Variants in MYLK observed in about 807,000 individuals in gnomAD.
MYLK encodes myosin light chain kinase.
In MYLK, 106 loss-of-function variants were observed where a neutral mutation model predicts 203.4. The observed-to-expected ratio is 0.52, with a 90% confidence interval of 0.45 to 0.61. MYLK has a LOEUF of 0.61. Among genes scored for constraint, MYLK ranks in the 20% least tolerant of loss-of-function variants. MYLK has a pLI of 0.00. For synonymous variants in MYLK, 867 were observed against 959.5 expected (o/e 0.90, Z 1.78); for missense variants, 2,072 against 2,442.3 (o/e 0.85, Z 3.20).
At chr3:123,638,460 A>G (rs907644329) in intron 28 of MYLK, among the ~76,000 whole-genome samples, 2 of 152,116 alleles carry the variant, frequency 1.3e-5, no homozygotes, top group South Asian at 4.1e-4. Flanking sequence ...CCGCCCCTGA[A>G]TGGTCTTTTT....
intron 4 of MYLK, among the ~76,000 whole-genome samples, chr3:123,770,957 TGGC>T (rs2063862591): frequency 2.0e-5 from 3 of 152,236 alleles, no homozygotes; most frequent in Non-Finnish European, 4.4e-5. Flanking sequence ...GAGAACCATC[TGGC>T]TGGGATGTTG....
At chr3:123,755,813 A>G (rs2063342171) in intron 4 of MYLK, among the ~76,000 whole-genome samples, 1 of 152,056 alleles carries the variant, frequency 6.6e-6, no homozygotes, top group African/African-American at 2.4e-5. Context: ...TTGGTCCTGT[A>G]GTTTTCAGAG....
chr3:123,674,625 T>C (rs2060015930), intron 20 of MYLK, among the ~76,000 whole-genome samples: 1 of 152,266 alleles, frequency 6.6e-6, no homozygotes, highest in Admixed American at 6.5e-5. Flanking sequence ...ACATAGATTC[T>C]TGGCTTCCAG....
chr3:123,631,038 T>C (rs138530231), intron 29 of MYLK, among the ~76,000 whole-genome samples: 94 of 152,292 alleles, frequency 6.2e-4, no homozygotes, highest in Middle Eastern at 3.4e-3. Context: ...TTTGAACAAG[T>C]GGCCCCACCT....
chr3:123,875,175 T>C (rs2033072023), intron 2 of MYLK, among the ~76,000 whole-genome samples: 1 of 152,298 alleles, frequency 6.6e-6, no homozygotes, highest in African/African-American at 2.4e-5. Context: ...CAAACATTGA[T>C]AGTGAGTTGT....
intron 3 of MYLK, among the ~76,000 whole-genome samples, chr3:123,811,532 C>T (rs2065560917): frequency 1.3e-5 from 2 of 152,200 alleles, no homozygotes; most frequent in Non-Finnish European, 2.9e-5. Context: ...CCCTAAAACC[C>T]TTCATGCTTG....
Position 123,844,038 on chromosome 3 carries a change from C to T in MYLK, c.-126-12368G>A, listed in dbSNP as rs2066653808. On this transcript the variant is annotated intron_variant, in intron 2 of 33. Coordinates refer to ENST00000360304, the MANE Select transcript of MYLK (RefSeq NM_053025.4). ...CTCCCACAAATCTTCTAGGTTTATG[C>T]TCTGTGTTCAGCCAACAACCACATT... 2.0e-5 allele frequency among the ~76,000 whole-genome samples: 3 copies of T among 152,194 alleles called. No individual in the cohort carries two copies. In the South Asian group the frequency reaches 6.2e-4, roughly 32 times the overall value.
intron 2 of MYLK, among the ~76,000 whole-genome samples, chr3:123,851,225 T>C (rs551338651): frequency 1.6e-4 from 25 of 152,250 alleles, no homozygotes; most frequent in Admixed American, 7.9e-4. Context: ...CTTGGCAATG[T>C]GGGCTCTTTT....
intron 3 of MYLK, among the ~76,000 whole-genome samples, chr3:123,825,158 A>G (rs1310954188): frequency 6.6e-6 from 1 of 151,824 alleles, no homozygotes; most frequent in East Asian, 1.9e-4. Context: ...AAAAAAAAAA[A>G]GAAAAAAAAA....
At chr3:123,877,851 A>G (rs1159919341) in intron 1 of MYLK, among the ~76,000 whole-genome samples, 5 of 152,232 alleles carry the variant, frequency 3.3e-5, no homozygotes, top group Non-Finnish European at 4.4e-5. Context: ...GTTTAGGAAT[A>G]CATCTGCTTG....
At chr3:123,771,880 G>C (rs1336051576) in intron 4 of MYLK, among the ~76,000 whole-genome samples, 1 of 152,176 alleles carries the variant, frequency 6.6e-6, no homozygotes, top group Non-Finnish European at 1.5e-5. Context: ...AAAAACAATA[G>C]TTGTGGGGGT....
intron 7 of MYLK, 143 bp downstream of exon 7, chr3:123,738,754 G>T: frequency 1.1e-5 from 12 of 1,139,710 alleles, no homozygotes; most frequent in Non-Finnish European, 1.3e-5. Context: ...TGTCATGATT[G>T]TGAGGCCTCC....
chr3:123,794,602 C>T (rs1231188525), intron 3 of MYLK, among the ~76,000 whole-genome samples: 1 of 152,144 alleles, frequency 6.6e-6, no homozygotes, highest in Non-Finnish European at 1.5e-5. Flanking sequence ...ACAAGAACAC[C>T]TTAAGCCCTG....
At chr3:123,780,421 G>A (rs1011830316) in intron 4 of MYLK, among the ~76,000 whole-genome samples, 16 of 152,116 alleles carry the variant, frequency 1.1e-4, no homozygotes, top group Non-Finnish European at 1.8e-4. Context: ...GCAACAGAGC[G>A]AGATTCTGTC....
chr3:123,758,980 A>G (rs1218126171), intron 4 of MYLK, among the ~76,000 whole-genome samples: 1 of 152,116 alleles, frequency 6.6e-6, no homozygotes, highest in East Asian at 1.9e-4. Context: ...ATATGCCACT[A>G]TGCCCAGCTA....
intron 9 of MYLK, chr3:123,734,901 A>T: frequency 4.5e-6 from 1 of 224,668 alleles, no homozygotes; most frequent in Non-Finnish European, 9.0e-6. Flanking sequence ...CTGCCCCTCT[A>T]TTCTAATCAG....
rs2108272227 is a variant in MYLK, at chr3:123,657,153, G to A, written c.4261C>T (p.Leu1421Phe). ...GTSEPSQESE[L>F]TTVGEKPEEP... Reference sequence around the variant, plus strand: ...TCAGGTTTCTCTCCTACCGTTGTGAGTTCAGACTCCTGGCTTGGCTCACTG... The same window carrying A: ...TCAGGTTTCTCTCCTACCGTTGTGAATTCAGACTCCTGGCTTGGCTCACTG... The change falls in exon 24 of 34, where the codon CTC becomes TTC. Residue 1421 changes from leucine (L) to phenylalanine (F), a missense_variant. Around this residue, in one of 3 missense-constraint regions of MYLK, gnomAD observed 524 missense variants for 782.4 expected, o/e 0.67. Coordinates refer to ENST00000360304, the MANE Select transcript of MYLK (RefSeq NM_053025.4). The A allele has an allele frequency of 6.2e-7, 1 of 1,614,198 alleles. No individual in the cohort carries two copies. The highest frequency in any genetic ancestry group is 8.5e-7 in the Non-Finnish European group (1 of 1,180,042).
Position 123,721,092 on chromosome 3 carries a change from G to A in MYLK, c.1804+1036C>T, listed in dbSNP as rs564444400. Among the ~76,000 whole-genome samples the A allele has an allele frequency of 2.0e-4, 30 of 152,334 alleles. No homozygotes were observed. In the East Asian group the frequency reaches 4.4e-3, roughly 23 times the overall value. Reference sequence around the variant, plus strand: ...TCCCCTAGGCTACTGAGGTCTCAGTGAGAGAATACGGGTGAGGTGAAAGTA... The same window carrying A: ...TCCCCTAGGCTACTGAGGTCTCAGTAAGAGAATACGGGTGAGGTGAAAGTA... On this transcript the variant is annotated intron_variant, in intron 13 of 33. Transcript: ENST00000360304.
intron 3 of MYLK, among the ~76,000 whole-genome samples, chr3:123,818,459 G>A (rs2065818009): frequency 6.6e-6 from 1 of 152,126 alleles, no homozygotes; most frequent in South Asian, 2.1e-4. Context: ...GGAGGCCAAG[G>A]CAAGTCGACC....
Sources: gnomAD v4.1 joint callset for allele counts (sites outside exome capture counted in the v4.1 genomes callset) on GRCh38, gnomAD v4.1.1 for gene constraint, gnomAD v4.1.1 regional missense constraint, MANE v1.5 for transcripts, NCBI Gene and HGNC (gene_info 2026-07-23, HGNC 2026-07-21) for gene names.